DYNLT4: variants seen among roughly 807,000 people sequenced by gnomAD.
DYNLT4 encodes the protein dynein light chain Tctex-type 4.
DYNLT4 carries 3 observed loss-of-function variants against 1.5 expected under a neutral mutation model. The ratio of observed to expected loss-of-function variants is 1.97; its 90% CI spans 0.90 to 5.08. The LOEUF (loss-of-function observed/expected upper bound fraction) is 5.08, where lower values mean the gene tolerates loss of function less well. Ranked by LOEUF, DYNLT4 falls within the 30% of genes most tolerant of loss-of-function variation. The pLI, the probability that DYNLT4 is intolerant of heterozygous loss-of-function variation, is 0.02. For missense variants in DYNLT4, 346 were observed against 341.0 expected (o/e 1.01, Z -0.12); for synonymous variants, 181 against 160.0 (o/e 1.13, Z -0.99).
At chr1:44,806,763 T>A in intron 2 of DYNLT4, 21 bp downstream of exon 2, 1 of 1,371,158 alleles carries the variant, frequency 7.3e-7, no homozygotes, top group Non-Finnish European at 9.4e-7. Context: ...CAAGGGTTTT[T>A]ACCTTCTACC....
chr1:44,807,230 C>T (rs1652156997), intron 1 of DYNLT4, 95 bp downstream of exon 1: 1 of 720,188 alleles, frequency 1.4e-6, no homozygotes, highest in Non-Finnish European at 1.7e-6. Flanking sequence ...ACTCATGAAG[C>T]CCCCTTCCAC....
chr1:44,806,249 G>A lies in DYNLT4; in HGVS notation c.420C>T (p.Tyr140=), dbSNP rs371301134. ...CCAGCCGCGCGGCCTCGTCGCTGGA[G>A]TAGCACGCGTCGTGCAGCCCTGCGG... The part of the protein sequence containing the change: ...ALAAGLHDAC[Y]SSDEAARLVR... Residue 140 remains tyrosine, a synonymous_variant, in exon 3 of 3, where the codon TAC becomes TAT. Coordinates refer to ENST00000339355, the MANE Select transcript of DYNLT4 (RefSeq NM_001377534.1). 21 of 1,523,238 alleles carry A rather than the reference G, an allele frequency of 1.4e-5. No homozygotes were observed. The highest frequency in any genetic ancestry group is 1.8e-5 in the Non-Finnish European group (20 of 1,138,486). The allele number at this position is 1,523,238 out of a possible 1,614,324, so 94.4% of individuals were successfully genotyped here.
In DYNLT4 at chr1:44,805,953, G is replaced by C. The variant is rs1362953951; in HGVS notation, c.*50C>G. On this transcript the variant is annotated 3_prime_UTR_variant, in exon 3 of 3. Coordinates refer to ENST00000339355, the MANE Select transcript of DYNLT4 (RefSeq NM_001377534.1). ...TTATTTATTGGGATGTGAGCCCCAGGGGGGCCTCCTCCTAGGATAATAAAC... is the reference window on the plus strand; with the variant it reads ...TTATTTATTGGGATGTGAGCCCCAGCGGGGCCTCCTCCTAGGATAATAAAC... 6.6e-7 allele frequency: 1 copy of C among 1,509,138 alleles called. No homozygotes were observed. 93.5% of individuals were successfully genotyped at this position (1,509,138 alleles called of 1,614,324 possible).
chr1:44,806,359 C>T lies in DYNLT4; in HGVS notation c.310G>A (p.Val104Met), dbSNP rs759698016. 20 of 1,521,608 alleles carry T rather than the reference C, an allele frequency of 1.3e-5. No homozygotes were observed. Among genetic ancestry groups the T allele is most frequent in the Middle Eastern group, 4.0e-4 (2 of 5,006 alleles). 94.3% of individuals were successfully genotyped at this position (1,521,608 alleles called of 1,614,324 possible). Residue 104 changes from valine (V) to methionine (M), a missense_variant, in exon 3 of 3, where the codon GTG becomes ATG. Physicochemically the swap from Val to Met is conservative, Grantham distance 21. Transcript: ENST00000339355. ...SGLPLAPARW[V>M]APSYRTEPVP... ...GGCTCCGTGCGGTAGGAGGGCGCCA[C>T]CCAACGGGCGGGCGCCAGGGGCAAC...
Position 44,805,949 on chromosome 1 carries a change from C to T in DYNLT4, c.*54G>A. ...ACACTTATTTATTGGGATGTGAGCC[C>T]CAGGGGGGCCTCCTCCTAGGATAAT... On this transcript the variant is annotated 3_prime_UTR_variant, in exon 3 of 3. Coordinates refer to ENST00000339355, the MANE Select transcript of DYNLT4 (RefSeq NM_001377534.1). 6.6e-7 allele frequency: 1 copy of T among 1,506,990 alleles called. No homozygotes were observed. The highest frequency in any genetic ancestry group is 1.3e-5 in the South Asian group (1 of 74,188). 93.4% of individuals were successfully genotyped at this position (1,506,990 alleles called of 1,614,324 possible).
In DYNLT4 at chr1:44,806,266, G is replaced by C. The variant is rs1652071439; in HGVS notation, c.403C>G (p.Leu135Val). The change falls in exon 3 of 3, where the codon CTG (leucine) becomes GTG (valine). Residue 135 changes from leucine (L) to valine (V), a missense_variant. Coordinates refer to ENST00000339355, the MANE Select transcript of DYNLT4 (RefSeq NM_001377534.1). ...TCGCTGGAGTAGCACGCGTCGTGCA[G>C]CCCTGCGGCCAGCGCCGCCTCCAGG... ...RALEAALAAG[L>V]HDACYSSDEA... The C allele has an allele frequency of 6.7e-7, 1 of 1,496,626 alleles. No homozygotes were observed. Among genetic ancestry groups the C allele is most frequent in the Non-Finnish European group, 8.9e-7 (1 of 1,127,440 alleles). The allele number at this position is 1,496,626 out of a possible 1,614,324, so 92.7% of individuals were successfully genotyped here.
rs973877903 is a variant in DYNLT4 at position 44,806,595 on chromosome 1, G to A, written c.74C>T (p.Pro25Leu). ...GGGCAGGCAGCCTCGGGGCCGCACC[G>A]GTGAGGGTTTCCGCCCGGAGTCTTT... ...NAKDSGRKPS[P>L]VRPRGCLPSI... The change falls in exon 3 of 3, where the codon CCG (proline) becomes CTG (leucine). Residue 25 changes from proline (P) to leucine (L), a missense_variant. Coordinates refer to ENST00000339355, the MANE Select transcript of DYNLT4 (RefSeq NM_001377534.1). 23 of 1,482,910 alleles carry A rather than the reference G, an allele frequency of 1.6e-5. No individual in the cohort carries two copies. The highest frequency in any genetic ancestry group is 1.8e-5 in the Non-Finnish European group (20 of 1,119,628). 91.9% of individuals were successfully genotyped at this position (1,482,910 alleles called of 1,614,324 possible).
chr1:44,807,015 G>T lies in DYNLT4; in HGVS notation c.-66-177C>A, dbSNP rs183477003. Reference sequence around the variant, plus strand: ...CCCTTCCACCCGACTTCTCTGGAAGGAGAGGCAGGCCTCTGCCTCAGCCTG... The same window carrying T: ...CCCTTCCACCCGACTTCTCTGGAAGTAGAGGCAGGCCTCTGCCTCAGCCTG... On this transcript the variant is annotated intron_variant, in intron 1 of 2. Transcript: ENST00000339355. The T allele has an allele frequency of 5.6e-4, 556 of 985,364 alleles. 3 individuals are homozygous for T. In the African/African-American group the frequency reaches 9.1e-3, roughly 16 times the overall value. The allele number at this position is 985,364 out of a possible 1,614,324, so 61.0% of individuals were successfully genotyped here. A position where few individuals can be genotyped will look rare whatever the true frequency, so the allele number is the denominator to read the frequency against.
In DYNLT4 at chr1:44,806,228, CCG is replaced by C; in HGVS notation, c.439_440del (p.Arg147AlafsTer88). On this transcript the variant is annotated frameshift_variant, in exon 3 of 3. Transcript: ENST00000339355. LOFTEE classifies it high-confidence loss of function. ...DACYSSDEAA[R>X]LVRELCEQVH... is the part of the protein sequence containing the mutation. ...CCTGCTCGCAGAGCTCCCGCACCAG[CCG>C]CGCGGCCTCGTCGCTGGAGTAGCAC... 2 of 1,533,968 alleles carry C rather than the reference CCG, an allele frequency of 1.3e-6. No homozygotes were observed. The highest frequency in any genetic ancestry group is 1.7e-6 in the Non-Finnish European group (2 of 1,143,486).
rs1390143309 is a variant in DYNLT4 at position 44,806,061 on chromosome 1, G to A, written c.608C>T (p.Ser203Phe). 2.5e-6 allele frequency: 4 copies of A among 1,600,780 alleles called. No individual in the cohort carries two copies. Among genetic ancestry groups the A allele is most frequent in the African/African-American group, 2.7e-5 (2 of 74,686 alleles). The change falls in exon 3 of 3, where the codon TCC becomes TTC. Residue 203 changes from serine (S) to phenylalanine (F), a missense_variant. Coordinates refer to ENST00000339355, the MANE Select transcript of DYNLT4 (RefSeq NM_001377534.1). ...DVARDGLASV[S>F]YTNTSLFAVA... ...CGCGAAGAGCGAGGTGTTGGTGTAG[G>A]AGACCGAGGCCAGCCCATCGCGCGC...
rs1557625699 is a variant in DYNLT4 at position 44,806,064 on chromosome 1, A to T, written c.605T>A (p.Val202Asp). Residue 202 changes from valine to aspartate, a missense_variant, in exon 3 of 3, where the codon GTC becomes GAC. By Grantham distance (152) the Val-to-Asp change is radical. Coordinates refer to ENST00000339355, the MANE Select transcript of DYNLT4 (RefSeq NM_001377534.1). ...GAAGAGCGAGGTGTTGGTGTAGGAG[A>T]CCGAGGCCAGCCCATCGCGCGCCAC... ...WDVARDGLAS[V>D]SYTNTSLFAV... The T allele has an allele frequency of 1.9e-6, 3 of 1,601,812 alleles. No individual in the cohort carries two copies.
chr1:44,806,635 C>T lies in DYNLT4; in HGVS notation c.34G>A (p.Glu12Lys), dbSNP rs757715422. Residue 12 changes from glutamate (E) to lysine (K), a missense_variant, in exon 3 of 3, where the codon GAG becomes AAG. Coordinates refer to ENST00000339355, the MANE Select transcript of DYNLT4 (RefSeq NM_001377534.1). ...ASRPLPPGRQ[E>K]EENAKDSGRK... ...CCGGAGTCTTTGGCATTCTCCTCCTCCTGGCGTCCCGGGGGCAGAGGCCTG... is the reference window on the plus strand; with the variant it reads ...CCGGAGTCTTTGGCATTCTCCTCCTTCTGGCGTCCCGGGGGCAGAGGCCTG... 3.3e-5 allele frequency: 48 copies of T among 1,468,150 alleles called. No homozygotes were observed. In the African/African-American group the frequency reaches 6.4e-4, roughly 19 times the overall value. The allele number at this position is 1,468,150 out of a possible 1,614,324, so 90.9% of individuals were successfully genotyped here.
Position 44,806,884 on chromosome 1 carries a change from G to A in DYNLT4, c.-66-46C>T, listed in dbSNP as rs552456279. ...TAGACACATGAGCAGGGGACAGGAG[G>A]CTGCTAGGACTGGGATCCTCGGCTA... On this transcript the variant is annotated intron_variant, in intron 1 of 2. Transcript: ENST00000339355. The A allele has an allele frequency of 7.1e-5, 70 of 985,428 alleles. No homozygotes were observed. In the African/African-American group the frequency reaches 1.1e-3, roughly 15 times the overall value. 61.0% of individuals were successfully genotyped at this position (985,428 alleles called of 1,614,324 possible). A position where few individuals can be genotyped will look rare whatever the true frequency, so the allele number is the denominator to read the frequency against.
chr1:44,806,267 C>G lies in DYNLT4; in HGVS notation c.402G>C (p.Gly134=). Reference sequence around the variant, plus strand: ...CGCTGGAGTAGCACGCGTCGTGCAGCCCTGCGGCCAGCGCCGCCTCCAGGG... The same window carrying G: ...CGCTGGAGTAGCACGCGTCGTGCAGGCCTGCGGCCAGCGCCGCCTCCAGGG... ...QRALEAALAA[G]LHDACYSSDE... is the part of the protein sequence containing the mutation. The change falls in exon 3 of 3, where the codon GGG becomes GGC. Residue 134 remains glycine (G), a synonymous_variant. Coordinates refer to ENST00000339355, the MANE Select transcript of DYNLT4 (RefSeq NM_001377534.1). The G allele has an allele frequency of 6.7e-7, 1 of 1,496,506 alleles. No homozygotes were observed. The highest frequency in any genetic ancestry group is 1.3e-5 in the South Asian group (1 of 79,116). 92.7% of individuals were successfully genotyped at this position (1,496,506 alleles called of 1,614,324 possible).
At position 44,806,260 on chromosome 1, in the gene DYNLT4, C is replaced by T. The variant is rs554666209; in HGVS notation, c.409G>A (p.Asp137Asn). 8.5e-5 allele frequency: 129 copies of T among 1,511,336 alleles called. 1 individual carries two copies. In the East Asian group the frequency reaches 2.3e-3, roughly 27 times the overall value. 93.6% of individuals were successfully genotyped at this position (1,511,336 alleles called of 1,614,324 possible). A position where few individuals can be genotyped will look rare whatever the true frequency, so the allele number is the denominator to read the frequency against. ...LEAALAAGLH[D>N]ACYSSDEAAR... The stretch of plus-strand genomic sequence containing the variant: ...GCCTCGTCGCTGGAGTAGCACGCGT[C>T]GTGCAGCCCTGCGGCCAGCGCCGCC... The change falls in exon 3 of 3, where the codon GAC becomes AAC. Residue 137 changes from aspartate (D) to asparagine (N), a missense_variant. Coordinates refer to ENST00000339355, the MANE Select transcript of DYNLT4 (RefSeq NM_001377534.1).
chr1:44,806,053 T>C lies in DYNLT4; in HGVS notation c.616A>G (p.Asn206Asp), dbSNP rs1652044230. The C allele has an allele frequency of 6.3e-7, 1 of 1,592,516 alleles. No homozygotes were observed. Among genetic ancestry groups the C allele is most frequent in the Non-Finnish European group, 8.6e-7 (1 of 1,167,288 alleles). Residue 206 changes from asparagine to aspartate, a missense_variant, in exon 3 of 3, where the codon AAC (asparagine) becomes GAC (aspartate). By Grantham distance (23) the Asn-to-Asp change is conservative (BLOSUM62 1). Coordinates refer to ENST00000339355, the MANE Select transcript of DYNLT4 (RefSeq NM_001377534.1). ...GTGGCCACCGCGAAGAGCGAGGTGT[T>C]GGTGTAGGAGACCGAGGCCAGCCCA... The part of the protein sequence containing the change: ...RDGLASVSYT[N>D]TSLFAVATVH...
Position 44,806,196 on chromosome 1 carries a change from AC to A in DYNLT4, c.472del (p.Val158PhefsTer100). On this transcript the variant is annotated frameshift_variant, in exon 3 of 3. Coordinates refer to ENST00000339355, the MANE Select transcript of DYNLT4 (RefSeq NM_001377534.1). LOFTEE classifies it high-confidence loss of function. ...TGGCGGGCTGAGCTCGCGCAGGCGA[AC>A]GTGCACCTGCTCGCAGAGCTCCCGC... ...LVRELCEQVH[V>X]RLRELSPPRY... 6.5e-7 allele frequency: 1 copy of A among 1,547,920 alleles called. No homozygotes were observed. The highest frequency in any genetic ancestry group is 8.7e-7 in the Non-Finnish European group (1 of 1,150,428).
intron 1 of DYNLT4, 39 bp from the exon 2 acceptor site, chr1:44,806,877 A>T: frequency 1.0e-6 from 1 of 985,388 alleles, no homozygotes; most frequent in Non-Finnish European, 1.2e-6. Flanking sequence ...TGAGCAGGGG[A>T]CAGGAGGCTG....
Position 44,806,384 on chromosome 1 carries a change from C to A in DYNLT4, c.285G>T (p.Gly95=). 1 of 1,529,070 alleles carries A rather than the reference C, an allele frequency of 6.5e-7. No individual in the cohort carries two copies. The highest frequency in any genetic ancestry group is 1.2e-5 in the South Asian group (1 of 83,012). 94.7% of individuals were successfully genotyped at this position (1,529,070 alleles called of 1,614,324 possible). A position where few individuals can be genotyped will look rare whatever the true frequency, so the allele number is the denominator to read the frequency against. ...CCCAACGGGCGGGCGCCAGGGGCAA[C>A]CCTGAGAAGCTGACCCTTGAGCCCA... ...PPLGSRVSFS[G]LPLAPARWVA... The change falls in exon 3 of 3, where the codon GGG becomes GGT. Residue 95 remains glycine, a synonymous_variant. Transcript: ENST00000339355.
Sources: gnomAD v4.1 joint callset for allele counts on GRCh38, gnomAD v4.1.1 for gene constraint, MANE v1.5 for transcripts, NCBI Gene and HGNC (gene_info 2026-07-23, HGNC 2026-07-21) for gene names.